Variants in PEX7 observed in about 807,000 individuals in gnomAD.
PEX7 encodes the protein PTS2 receptor.
PEX7 carries 34 observed loss-of-function variants against 47.5 expected under a neutral mutation model. The observed-to-expected ratio is 0.72, with a 90% confidence interval of 0.54 to 0.95. PEX7 has a LOEUF of 0.95. PEX7 is among the 40% of genes least tolerant of loss of function. PEX7 has a pLI of 0.00. For synonymous variants in PEX7, 141 were observed against 148.8 expected, an observed-to-expected ratio of 0.95 and a Z score of 0.38; for missense variants, 394 against 400.3, an observed-to-expected ratio of 0.98 and a Z score of 0.13.
intron 9 of PEX7, among the ~76,000 whole-genome samples, chr6:136,909,599 CTTA>C (rs961447127): frequency 6.6e-6 from 1 of 151,998 alleles, no homozygotes; most frequent in Non-Finnish European, 1.5e-5. Context: ...TTTTTCTTAC[CTTA>C]TTATTATTTT....
In PEX7 at chr6:136,846,929, A is replaced by G. The variant is rs369361032; in HGVS notation, c.526+748A>G. ...GAGGAATCGCCACACTGTCTTCCAC[A>G]ATGGTTGAACTAGTTTACAGTCCCA... On this transcript the variant is annotated intron_variant, in intron 5 of 9. Transcript: ENST00000318471. Among the ~76,000 whole-genome samples, 8 of 152,312 alleles carry G rather than the reference A, an allele frequency of 5.3e-5. No homozygotes were observed. In the East Asian group the frequency reaches 1.5e-3, roughly 29 times the overall value.
At chr6:136,908,319 G>T (rs561739989) in intron 9 of PEX7, among the ~76,000 whole-genome samples, 58 of 152,144 alleles carry the variant, frequency 3.8e-4, no homozygotes, top group African/African-American at 1.4e-3. Flanking sequence ...AACTTATATG[G>T]CATCTTACCC....
chr6:136,870,034 A>C (rs981825923), intron 7 of PEX7, 31 bp downstream of exon 7: 1 of 1,290,030 alleles, frequency 7.8e-7, no homozygotes, highest in African/African-American at 1.5e-5. Flanking sequence ...TTATATGTAG[A>C]ATAAAATTAT....
chr6:136,890,629 C>A (rs552634929), intron 8 of PEX7, among the ~76,000 whole-genome samples: 6 of 152,132 alleles, frequency 3.9e-5, no homozygotes, highest in Non-Finnish European at 7.4e-5. Flanking sequence ...TAAAGGAGAT[C>A]CTTGTAAGCA....
intron 9 of PEX7, among the ~76,000 whole-genome samples, chr6:136,910,423 A>G (rs1775914977): frequency 6.6e-6 from 1 of 152,194 alleles, no homozygotes; most frequent in South Asian, 2.1e-4. Flanking sequence ...ACAGAAAGGG[A>G]GGGAGAAGAG....
intron 5 of PEX7, among the ~76,000 whole-genome samples, chr6:136,848,141 CTTTT>C (rs1177400074): frequency 2.6e-5 from 4 of 152,082 alleles, no homozygotes; most frequent in South Asian, 2.1e-4. Context: ...ATTTGGCTCT[CTTTT>C]TGTCTGTTAT....
chr6:136,874,910 C>T (rs1243439128), intron 8 of PEX7, among the ~76,000 whole-genome samples: 5 of 152,068 alleles, frequency 3.3e-5, no homozygotes, highest in African/African-American at 7.2e-5. Flanking sequence ...GAGGCTGAGG[C>T]GGGTGGATCA....
In PEX7 at chr6:136,845,607, G is replaced by GT; in HGVS notation, c.340-3dup. ...TTTTGCTTTCTAAACACTTTTCAAT[G>GT]TTTTTAGGTGTATAGTGTTGATTGG... On this transcript the variant is annotated splice_polypyrimidine_tract_variant and splice_region_variant and intron_variant, in intron 3 of 9. Transcript: ENST00000318471. 6.4e-7 allele frequency: 1 copy of GT among 1,567,176 alleles called. No homozygotes were observed. Among genetic ancestry groups the GT allele is most frequent in the South Asian group, 1.1e-5 (1 of 90,100 alleles).
chr6:136,881,152 A>C (rs1775370425), intron 8 of PEX7, among the ~76,000 whole-genome samples: 2 of 152,182 alleles, frequency 1.3e-5, no homozygotes, highest in South Asian at 4.1e-4. Flanking sequence ...AGTGTAGAGA[A>C]AGAACAAAAA....
chr6:136,894,173 A>C (rs989546924), intron 8 of PEX7, among the ~76,000 whole-genome samples: 1 of 152,098 alleles, frequency 6.6e-6, no homozygotes, highest in Admixed American at 6.6e-5. Flanking sequence ...AAAAAGTAAT[A>C]ATAGGCCAGG....
At chr6:136,862,019 TTA>T (rs201482776) in intron 5 of PEX7, among the ~76,000 whole-genome samples, 2 of 143,378 alleles carry the variant, frequency 1.4e-5, no homozygotes, top group Admixed American at 7.0e-5. Context: ...TTTTCTGTAT[TTA>T]TATATATATA....
intron 3 of PEX7, among the ~76,000 whole-genome samples, chr6:136,830,722 G>A (rs1037157659): frequency 6.6e-6 from 1 of 152,172 alleles, no homozygotes; most frequent in Non-Finnish European, 1.5e-5. Context: ...GCTACTGAGA[G>A]TGAGTTAAAG....
chr6:136,872,235 C>T lies in PEX7; in HGVS notation c.785C>T (p.Ser262Leu), dbSNP rs62653610. 16 of 1,605,324 alleles carry T rather than the reference C, an allele frequency of 1.0e-5. No individual in the cohort carries two copies. The highest frequency in any genetic ancestry group is 3.4e-5 in the Admixed American group (2 of 59,490). ...PFHASVLASC[S>L]YDFTVRFWNF... is the part of the protein sequence containing the mutation. ...CATGCTTCTGTGCTGGCCTCTTGCT[C>T]GTATGATTTTACTGTAAGGTACAGT... is the stretch of plus-strand genomic sequence containing the variant. Residue 262 changes from serine (S) to leucine (L), a missense_variant, in exon 8 of 10, where the codon TCG (serine) becomes TTG (leucine). By Grantham distance (145) the Ser-to-Leu change is moderately radical. Transcript: ENST00000318471.
Position 136,872,171 on chromosome 6 carries a change from GT to G in PEX7, c.748-17del, listed in dbSNP as rs373023744. On this transcript the variant is annotated intron_variant, in intron 7 of 9. Coordinates refer to ENST00000318471, the MANE Select transcript of PEX7 (RefSeq NM_000288.4). Reference sequence around the variant, plus strand: ...ATAATCACAGCTGACTTCAAAAAGGGTTTTTTTTTTCTTTTTTTTTTTGTAG... The same window carrying G: ...ATAATCACAGCTGACTTCAAAAAGGGTTTTTTTTTCTTTTTTTTTTTGTAG... The G allele has an allele frequency of 7.9e-4, 1,106 of 1,392,648 alleles. 5 individuals carry two copies. The African/African-American group carries it at 8.0e-3, about 10-fold the overall frequency. 86.3% of individuals were successfully genotyped at this position (1,392,648 alleles called of 1,614,324 possible). A position where few individuals can be genotyped will look rare whatever the true frequency, so the allele number is the denominator to read the frequency against.
intron 5 of PEX7, among the ~76,000 whole-genome samples, chr6:136,852,565 T>C (rs2115184210): frequency 5.6e-5 from 1 of 17,974 alleles, no homozygotes; most frequent in South Asian, 1.4e-3. Context: ...TCACAATTGC[T>C]TCAAAGAGAA....
intron 3 of PEX7, among the ~76,000 whole-genome samples, chr6:136,835,112 A>G (rs762637330): frequency 1.3e-5 from 2 of 151,628 alleles, no homozygotes; most frequent in Non-Finnish European, 2.9e-5. Flanking sequence ...TTTAGTAGAG[A>G]TGGGGTTTCA....
At chr6:136,825,120 A>T in intron 1 of PEX7, 94 bp from the exon 2 acceptor site, 2 of 1,024,032 alleles carry the variant, frequency 2.0e-6, no homozygotes, top group Non-Finnish European at 3.1e-6. Context: ...AATTTGTGGT[A>T]TTAAAATCAG....
At chr6:136,845,741 C>T (rs777262353) in intron 4 of PEX7, 49 bp downstream of exon 4, 196 of 1,125,394 alleles carry the variant, frequency 1.7e-4, no homozygotes, top group South Asian at 1.4e-3. Context: ...TTCTCTAGAG[C>T]TTCCACTAAA....
intron 8 of PEX7, among the ~76,000 whole-genome samples, chr6:136,889,368 T>G (rs959595710): frequency 5.3e-5 from 8 of 152,174 alleles, no homozygotes; most frequent in African/African-American, 1.7e-4. Context: ...CTGCAGAGCT[T>G]TTTCAGAATT....
Sources: gnomAD v4.1 joint callset for allele counts (sites outside exome capture counted in the v4.1 genomes callset) on GRCh38, gnomAD v4.1.1 for gene constraint, MANE v1.5 for transcripts, NCBI Gene and HGNC (gene_info 2026-07-23, HGNC 2026-07-21) for gene names.